Variants in METTL8 observed in about 807,000 individuals in gnomAD.
The protein encoded by METTL8 is methyltransferase 8, tRNA N3-cytidine.
Under a neutral mutation model 48.7 loss-of-function variants are expected in METTL8, and 32 were observed. That is an observed-to-expected ratio of 0.66 (90% CI 0.50 to 0.88). The LOEUF (loss-of-function observed/expected upper bound fraction) is 0.88. METTL8 is among the 40% of genes least tolerant of loss of function. The pLI, the probability that METTL8 is intolerant of heterozygous loss-of-function variation, is 0.00. For synonymous variants in METTL8, 136 were observed against 157.1 expected, an observed-to-expected ratio of 0.87 and a Z score of 1.01; for missense variants, 464 against 474.4, an observed-to-expected ratio of 0.98 and a Z score of 0.20.
chr2:171,334,173 A>C (rs1205103888), intron 5 of METTL8, among the ~76,000 whole-genome samples: 1 of 152,214 alleles, frequency 6.6e-6, no homozygotes, highest in African/African-American at 2.4e-5. Flanking sequence ...AGCTCATTAT[A>C]AAAGGTCTGC....
intron 7 of METTL8, among the ~76,000 whole-genome samples, chr2:171,329,689 G>T (rs1174539779): frequency 2.0e-5 from 3 of 152,196 alleles, no homozygotes; most frequent in African/African-American, 7.2e-5. Context: ...GGAAGTAAAA[G>T]AACTGTAAAG....
intron 3 of METTL8, among the ~76,000 whole-genome samples, chr2:171,353,364 T>C (rs1684168788): frequency 6.6e-6 from 1 of 152,342 alleles, no homozygotes; most frequent in African/African-American, 2.4e-5. Context: ...CTTTTACATT[T>C]GCCGAGGAGT....
rs113519927 is a variant in METTL8, at chr2:171,355,632, G to A, written c.235+4790C>T. 3.9e-3 allele frequency among the ~76,000 whole-genome samples: 579 copies of A among 149,878 alleles called. 2 individuals are homozygous for A. Among genetic ancestry groups the A allele is most frequent in the African/African-American group, 0.013 (528 of 40,760 alleles). On this transcript the variant is annotated intron_variant, in intron 3 of 9. Coordinates refer to ENST00000375258, the MANE Select transcript of METTL8 (RefSeq NM_001321154.2). ...GGGCTACACCCAGTTCGAGCTTCCCGGCCGCTTTGTTTACCTACTCAAGCC... is the reference window on the plus strand; with the variant it reads ...GGGCTACACCCAGTTCGAGCTTCCCAGCCGCTTTGTTTACCTACTCAAGCC...
At position 171,430,859 on chromosome 2, in the gene METTL8, A is replaced by G. The variant is rs1193259426; in HGVS notation, c.-13+3024T>C. On this transcript the variant is annotated intron_variant, in intron 1 of 9. Transcript: ENST00000375258. Reference sequence around the variant, plus strand: ...TCTGATTGATCCCCACCCTTCACCTATTTTACATATACCCACCCTTCTCTA... The same window carrying G: ...TCTGATTGATCCCCACCCTTCACCTGTTTTACATATACCCACCCTTCTCTA... Among the ~76,000 whole-genome samples, 3 of 151,914 alleles carry G rather than the reference A, an allele frequency of 2.0e-5. No homozygotes were observed. In the East Asian group the frequency reaches 5.8e-4, roughly 29 times the overall value.
In METTL8 at chr2:171,343,190, G is replaced by A. The variant is rs138295954; in HGVS notation, c.236-3636C>T. ...CATGATGGCTCATGCCTACAATACCGGCACTTTGGGAGGCCAGGGAGGGCA... is the reference window on the plus strand; with the variant it reads ...CATGATGGCTCATGCCTACAATACCAGCACTTTGGGAGGCCAGGGAGGGCA... On this transcript the variant is annotated intron_variant, in intron 3 of 9. Coordinates refer to ENST00000375258, the MANE Select transcript of METTL8 (RefSeq NM_001321154.2). 3.0e-3 allele frequency among the ~76,000 whole-genome samples: 455 copies of A among 152,196 alleles called. 2 individuals carry two copies. Among genetic ancestry groups the A allele is most frequent in the African/African-American group, 1.0e-2 (414 of 41,548 alleles).
chr2:171,360,941 G>C (rs1448749710), intron 2 of METTL8, among the ~76,000 whole-genome samples: 1 of 152,184 alleles, frequency 6.6e-6, no homozygotes, highest in Non-Finnish European at 1.5e-5. Flanking sequence ...TCAAAGAGAT[G>C]AAAGTTTTAA....
intron 1 of METTL8, among the ~76,000 whole-genome samples, chr2:171,415,678 A>G (rs573984792): frequency 8.5e-5 from 13 of 152,270 alleles, no homozygotes; most frequent in African/African-American, 3.1e-4. Context: ...ATGTAAACCC[A>G]AATTACCTTT....
Position 171,330,583 on chromosome 2 carries a change from A to C in METTL8, c.836T>G (p.Val279Gly), listed in dbSNP as rs1383494548. The C allele has an allele frequency of 6.2e-7, 1 of 1,614,042 alleles. No homozygotes were observed. The highest frequency in any genetic ancestry group is 1.7e-5 in the Admixed American group (1 of 60,004). The change falls in exon 7 of 10, where the codon GTG (valine) becomes GGG (glycine). Residue 279 changes from valine (V) to glycine (G), a missense_variant. By Grantham distance (109) the Val-to-Gly change is moderately radical (BLOSUM62 -3). Coordinates refer to ENST00000375258, the MANE Select transcript of METTL8 (RefSeq NM_001321154.2). Reference protein sequence around the residue: ...GILDVILLVFVLSSIHPDRMQ... With the variant: ...GILDVILLVFGLSSIHPDRMQ... ...CCTGTCAGGATGAATAGAAGAGAGC[A>C]CAAAGACAAGGAGAATGACATCCAG...
At chr2:171,372,678 C>T (rs1023925709) in intron 2 of METTL8, among the ~76,000 whole-genome samples, 135 of 152,210 alleles carry the variant, frequency 8.9e-4, no homozygotes, top group African/African-American at 3.2e-3. Flanking sequence ...GTTCCCCTTC[C>T]TGTGTGCAAA....
intron 1 of METTL8, among the ~76,000 whole-genome samples, chr2:171,413,061 G>A (rs1690910755): frequency 6.6e-6 from 1 of 152,154 alleles, no homozygotes; most frequent in African/African-American, 2.4e-5. Flanking sequence ...TTTTCCAGAT[G>A]ACCAACATAA....
chr2:171,370,225 TTC>T (rs1430809357), intron 2 of METTL8, among the ~76,000 whole-genome samples: 1 of 152,154 alleles, frequency 6.6e-6, no homozygotes, highest in Non-Finnish European at 1.5e-5. Flanking sequence ...TTTCTTTTCT[TTC>T]TGTTTTCTTT....
intron 2 of METTL8, among the ~76,000 whole-genome samples, chr2:171,386,376 A>G (rs1361782172): frequency 1.3e-5 from 2 of 152,200 alleles, no homozygotes; most frequent in Non-Finnish European, 2.9e-5. Context: ...GCTGTCCAAA[A>G]AAGTATAATG....
At chr2:171,434,180 G>A, upstream of METTL8, 3 of 380,770 alleles carry the variant, frequency 7.9e-6, no homozygotes, top group South Asian at 3.8e-5. Context: ...GGCAGGGCCG[G>A]GCAAGCCCTC....
chr2:171,342,326 A>T (rs1289751624), intron 3 of METTL8, among the ~76,000 whole-genome samples: 1 of 152,236 alleles, frequency 6.6e-6, no homozygotes, highest in Admixed American at 6.5e-5. Context: ...GGATCTTTGT[A>T]ACAAAAGAAT....
intron 1 of METTL8, among the ~76,000 whole-genome samples, chr2:171,422,328 C>T (rs1159123137): frequency 6.6e-6 from 1 of 152,178 alleles, no homozygotes; most frequent in African/African-American, 2.4e-5. Flanking sequence ...TTATACCATA[C>T]TCTCAAATCA....
chr2:171,359,477 T>G (rs527686375), intron 3 of METTL8, among the ~76,000 whole-genome samples: 4 of 152,070 alleles, frequency 2.6e-5, no homozygotes, highest in Non-Finnish European at 5.9e-5. Flanking sequence ...GAAGTAAAAA[T>G]AGAACTACCA....
Position 171,325,892 on chromosome 2 carries a change from C to G in METTL8, c.982G>C (p.Glu328Gln). ...LRFKKGHCLSENFYVRGDGTR... is the reference protein window; with the variant it reads ...LRFKKGHCLSQNFYVRGDGTR... ...CCATCTCCTCGAACATAAAAATTTTCAGATAAACAATGTCCTGAAAAAAAT... is the reference window on the plus strand; with the variant it reads ...CCATCTCCTCGAACATAAAAATTTTGAGATAAACAATGTCCTGAAAAAAAT... The change falls in exon 9 of 10, where the codon GAA becomes CAA. Residue 328 changes from glutamate (E) to glutamine (Q), a missense_variant. Glu to Gln is a conservative substitution (Grantham distance 29, BLOSUM62 2). Coordinates refer to ENST00000375258, the MANE Select transcript of METTL8 (RefSeq NM_001321154.2). 1 of 1,601,004 alleles carries G rather than the reference C, an allele frequency of 6.2e-7. No homozygotes were observed. Among genetic ancestry groups the G allele is most frequent in the Non-Finnish European group, 8.5e-7 (1 of 1,171,530 alleles).
intron 1 of METTL8, among the ~76,000 whole-genome samples, chr2:171,416,623 T>C (rs1468176641): frequency 1.3e-5 from 2 of 152,242 alleles, no homozygotes; most frequent in Non-Finnish European, 2.9e-5. Context: ...TGAGAACCAC[T>C]CTAACAGATC....
At chr2:171,326,695 T>C (rs1684997248) in intron 7 of METTL8, among the ~76,000 whole-genome samples, 1 of 150,786 alleles carries the variant, frequency 6.6e-6, no homozygotes, top group Admixed American at 6.6e-5. Flanking sequence ...TAAAATTCTA[T>C]GTCCTCTTTA....
Sources: gnomAD v4.1 joint callset for allele counts (sites outside exome capture counted in the v4.1 genomes callset) on GRCh38, gnomAD v4.1.1 for gene constraint, MANE v1.5 for transcripts, NCBI Gene and HGNC (gene_info 2026-07-23, HGNC 2026-07-21) for gene names.